The following LRFN5 variants were observed in gnomAD, a reference collection of about 807,000 sequenced individuals.
LRFN5 encodes leucine rich repeat and fibronectin type III domain containing 5, also known as leucine-rich repeat and fibronectin type-III domain-containing protein 5.
In LRFN5, 24 loss-of-function variants were observed where a neutral mutation model predicts 45.6. The observed-to-expected ratio is 0.53, with a 90% CI of 0.38 to 0.74. LRFN5 has a LOEUF of 0.74. LRFN5 is among the 30% of genes least tolerant of loss of function. The pLI is 0.00. For synonymous variants in LRFN5, 340 were observed against 313.8 expected (o/e 1.08, Z -0.88); for missense variants, 776 against 861.5 (o/e 0.90, Z 1.24).
intron 1 of LRFN5, among the ~76,000 whole-genome samples, chr14:41,657,097 G>GAAAT: frequency 6.6e-6 from 1 of 151,982 alleles, no homozygotes; most frequent in Non-Finnish European, 1.5e-5. Flanking sequence ...GGAAAGAAAT[G>GAAAT]AAATACATCT....
At position 41,805,561 on chromosome 14, in the gene LRFN5, C is replaced by T. The variant is rs1010787628; in HGVS notation, c.-21+38532C>T. On this transcript the variant is annotated intron_variant, in intron 2 of 5. Coordinates refer to ENST00000298119, the MANE Select transcript of LRFN5 (RefSeq NM_152447.5). ...CCCAATGCTATCCCTCCACCCCCCC[C>T]ACCCCACAGCAGTACCCAGAGTGTG... Among the ~76,000 whole-genome samples the T allele has an allele frequency of 9.5e-5, 14 of 147,712 alleles. 1 individual carries two copies. Among genetic ancestry groups the T allele is most frequent in the South Asian group, 4.4e-4 (2 of 4,554 alleles).
intron 1 of LRFN5, among the ~76,000 whole-genome samples, chr14:41,695,340 A>G (rs1204955955): frequency 1.3e-5 from 2 of 151,954 alleles, no homozygotes; most frequent in South Asian, 2.1e-4. Context: ...AAAAGCTGCA[A>G]CAAGTTATGC....
At chr14:41,771,705 T>G (rs961083220) in intron 2 of LRFN5, among the ~76,000 whole-genome samples, 24 of 152,136 alleles carry the variant, frequency 1.6e-4, no homozygotes, top group Admixed American at 1.5e-3. Flanking sequence ...CTTGTCAGTG[T>G]GGTCTTCACC....
chr14:41,703,105 C>G (rs1882905690), intron 1 of LRFN5, among the ~76,000 whole-genome samples: 2 of 152,098 alleles, frequency 1.3e-5, no homozygotes, highest in South Asian at 4.1e-4. Context: ...GTGTAGCTAT[C>G]AAAGTCTGAT....
chr14:41,619,752 ATACTATGTGTAT>A (rs1888053372), intron 1 of LRFN5, among the ~76,000 whole-genome samples: 1 of 152,032 alleles, frequency 6.6e-6, no homozygotes, highest in Non-Finnish European at 1.5e-5. Flanking sequence ...CACACTGCAT[ATACTATGTGTAT>A]TATATACAGT....
chr14:41,776,968 C>G (rs866812130), intron 2 of LRFN5, among the ~76,000 whole-genome samples: 3 of 151,958 alleles, frequency 2.0e-5, no homozygotes, highest in Non-Finnish European at 4.4e-5. Flanking sequence ...ATCCTTTACA[C>G]ATTGAATTGG....
intron 1 of LRFN5, among the ~76,000 whole-genome samples, chr14:41,679,076 G>A (rs1166089190): frequency 6.6e-6 from 1 of 151,986 alleles, no homozygotes; most frequent in Non-Finnish European, 1.5e-5. Context: ...TAGCCAGAGG[G>A]GAATCATCAA....
At chr14:41,650,267 A>ACACACAC (rs1555351106) in intron 1 of LRFN5, among the ~76,000 whole-genome samples, 71 of 121,820 alleles carry the variant, frequency 5.8e-4, no homozygotes, top group African/African-American at 2.0e-3. Context: ...ACACACACAC[A>ACACACAC]AAAAAAAAAA....
Position 41,833,068 on chromosome 14 carries a change from G to C in LRFN5, c.-20-53538G>C, listed in dbSNP as rs182599010. 1.7e-3 allele frequency among the ~76,000 whole-genome samples: 264 copies of C among 152,250 alleles called. 2 individuals are homozygous for C. Among genetic ancestry groups the C allele is most frequent in the Non-Finnish European group, 8.4e-4 (57 of 68,022 alleles). ...CCTATCAGGGAATCATGCCATATTA[G>C]GGGTTCAGTATTAATCTCTGCAGTT... On this transcript the variant is annotated intron_variant, in intron 2 of 5. Transcript: ENST00000298119.
chr14:41,886,845 A>G lies in LRFN5; in HGVS notation c.220A>G (p.Met74Val), dbSNP rs1890590433. 6.2e-7 allele frequency: 1 copy of G among 1,614,010 alleles called. No homozygotes were observed. Among genetic ancestry groups the G allele is most frequent in the African/African-American group, 1.3e-5 (1 of 74,924 alleles). ...TNIKRKDFAN[M>V]TSLVDLTLSR... ...TATTAAAAGGAAAGATTTTGCCAAT[A>G]TGACCAGCTTGGTGGACCTGACTCT... Residue 74 changes from methionine (M) to valine (V), a missense_variant, in exon 3 of 6, where the codon ATG (methionine) becomes GTG (valine). Transcript: ENST00000298119.
At chr14:41,695,638 A>G (rs1324259721) in intron 1 of LRFN5, among the ~76,000 whole-genome samples, 1 of 151,960 alleles carries the variant, frequency 6.6e-6, no homozygotes, top group Admixed American at 6.6e-5. Flanking sequence ...CTATAAATGG[A>G]ACGACAAAGC....
intron 1 of LRFN5, among the ~76,000 whole-genome samples, chr14:41,637,873 A>G (rs1879379452): frequency 6.6e-6 from 1 of 152,136 alleles, no homozygotes; most frequent in Non-Finnish European, 1.5e-5. Context: ...CACCTTGAAC[A>G]ATTCCTCTCT....
chr14:41,731,008 A>G (rs1442898507), intron 1 of LRFN5, among the ~76,000 whole-genome samples: 1 of 152,060 alleles, frequency 6.6e-6, no homozygotes, highest in African/African-American at 2.4e-5. Context: ...CATTTTTAAA[A>G]ACAAAAGGAA....
chr14:41,789,343 T>G (rs1375802749), intron 2 of LRFN5, among the ~76,000 whole-genome samples: 1 of 151,994 alleles, frequency 6.6e-6, no homozygotes, highest in African/African-American at 2.4e-5. Flanking sequence ...TGGATAATAT[T>G]TTAGTAGATT....
rs1480306285 is a variant in LRFN5, at chr14:41,732,532, T to A, written c.-196-34322T>A. 2.0e-5 allele frequency among the ~76,000 whole-genome samples: 3 copies of A among 152,256 alleles called. No homozygotes were observed. The East Asian group carries it at 5.8e-4, about 29-fold the overall frequency. ...GCTTAAATAAGACATGAAAATACCT[T>A]AAGTTTACATTTCAGGCGAACTCTG... On this transcript the variant is annotated intron_variant, in intron 1 of 5. Transcript: ENST00000298119.
intron 2 of LRFN5, among the ~76,000 whole-genome samples, chr14:41,800,494 A>G (rs533485935): frequency 6.6e-6 from 1 of 151,844 alleles, no homozygotes; most frequent in Non-Finnish European, 1.5e-5. Flanking sequence ...GTATGATTAT[A>G]TTAAATAATT....
intron 1 of LRFN5, among the ~76,000 whole-genome samples, chr14:41,673,599 G>C (rs1881371580): frequency 6.8e-6 from 1 of 147,026 alleles, no homozygotes; most frequent in Non-Finnish European, 1.5e-5. Context: ...ACTCCCGGAT[G>C]GGGCGGCTGG....
At chr14:41,789,535 C>A (rs879930210) in intron 2 of LRFN5, among the ~76,000 whole-genome samples, 5 of 151,846 alleles carry the variant, frequency 3.3e-5, no homozygotes, top group Non-Finnish European at 5.9e-5. Context: ...TTGGAGTAGC[C>A]TATTTTTATT....
intron 2 of LRFN5, among the ~76,000 whole-genome samples, chr14:41,839,173 A>G (rs1385315590): frequency 6.6e-6 from 1 of 152,138 alleles, no homozygotes; most frequent in African/African-American, 2.4e-5. Context: ...CGATTTAGAC[A>G]GTTCTATTAA....
Sources: gnomAD v4.1 joint callset for allele counts (sites outside exome capture counted in the v4.1 genomes callset) on GRCh38, gnomAD v4.1.1 for gene constraint, MANE v1.5 for transcripts, NCBI Gene and HGNC (gene_info 2026-07-23, HGNC 2026-07-21) for gene names.